The following CCDC102B variants were observed in gnomAD, a reference collection of about 807,000 sequenced individuals.
CCDC102B encodes coiled-coil domain containing 102B, also known as coiled-coil domain-containing protein 102B.
In CCDC102B, 75 loss-of-function variants were observed where a neutral mutation model predicts 57.4. The ratio of observed to expected loss-of-function variants is 1.31; its 90% CI spans 1.08 to 1.58. The LOEUF is 1.58. CCDC102B is among the 40% of genes most tolerant of loss of function. CCDC102B has a pLI of 0.00. For synonymous variants in CCDC102B, 206 were observed against 201.9 expected, an observed-to-expected ratio of 1.02 and a Z score of -0.17; for missense variants, 636 against 582.6, an observed-to-expected ratio of 1.09 and a Z score of -0.94.
chr18:69,033,718 TG>T (rs1390711643), intron 7 of CCDC102B, among the ~76,000 whole-genome samples: 1 of 151,920 alleles, frequency 6.6e-6, no homozygotes, highest in Non-Finnish European at 1.5e-5. Context: ...TTTTTTCCCT[TG>T]GGATTGTGAA....
intron 6 of CCDC102B, among the ~76,000 whole-genome samples, chr18:68,910,644 A>G (rs948519166): frequency 6.6e-6 from 1 of 152,192 alleles, no homozygotes; most frequent in East Asian, 1.9e-4. Context: ...TTTTACCTCT[A>G]AGGAAAACAA....
intron 7 of CCDC102B, among the ~76,000 whole-genome samples, chr18:69,033,084 G>A (rs1599875795): frequency 6.6e-6 from 1 of 152,022 alleles, no homozygotes; most frequent in African/African-American, 2.4e-5. Flanking sequence ...TAGAGATAAA[G>A]CATTATAATG....
At chr18:69,044,757 G>A (rs2145482421) in intron 7 of CCDC102B, among the ~76,000 whole-genome samples, 1 of 152,222 alleles carries the variant, frequency 6.6e-6, no homozygotes, top group Middle Eastern at 3.4e-3. Context: ...ACCACGTTTG[G>A]GATCTCTTCC....
intron 7 of CCDC102B, among the ~76,000 whole-genome samples, chr18:69,022,526 G>A (rs1159116054): frequency 6.6e-6 from 1 of 151,876 alleles, no homozygotes; most frequent in East Asian, 1.9e-4. Context: ...TCAGCAAAGA[G>A]CAATATTTTT....
At chr18:68,853,672 T>A (rs1177457987) in intron 4 of CCDC102B, among the ~76,000 whole-genome samples, 2 of 94,680 alleles carry the variant, frequency 2.1e-5, no homozygotes, top group Non-Finnish European at 2.0e-5. Context: ...CCCCAAATTG[T>A]AAAAAAAAAA....
chr18:69,039,001 C>T (rs918931383), intron 7 of CCDC102B, among the ~76,000 whole-genome samples: 1 of 152,020 alleles, frequency 6.6e-6, no homozygotes, highest in Admixed American at 6.6e-5. Context: ...GCAAAGCCCT[C>T]GCATATTTTT....
intron 6 of CCDC102B, chr18:68,899,845 T>C (rs1384005402): frequency 6.6e-6 from 1 of 152,126 alleles, no homozygotes; most frequent in Non-Finnish European, 1.5e-5. Context: ...GAAAACGACT[T>C]CCAGTTTTAA....
At position 68,744,924 on chromosome 18, in the gene CCDC102B, G is replaced by A. The variant is rs1007199646; in HGVS notation, c.-67+28330G>A. Reference sequence around the variant, plus strand: ...CTGGGGATGCAATCCAGTCAAGACTGAAGTTGAACATCCTGACTGTTATTG... The same window carrying A: ...CTGGGGATGCAATCCAGTCAAGACTAAAGTTGAACATCCTGACTGTTATTG... On this transcript the variant is annotated intron_variant, in intron 2 of 3. Coordinates refer to the CCDC102B transcript ENST00000578970. Among the ~76,000 whole-genome samples, 11 of 152,222 alleles carry A rather than the reference G, an allele frequency of 7.2e-5. No individual in the cohort carries two copies. The East Asian group carries it at 1.2e-3, about 16-fold the overall frequency.
chr18:68,766,249 G>A (rs1438874553), intron 2 of CCDC102B, among the ~76,000 whole-genome samples: 1 of 152,102 alleles, frequency 6.6e-6, no homozygotes, highest in Non-Finnish European at 1.5e-5. Context: ...GGCTACTTCT[G>A]CTTCTGTGGT....
intron 2 of CCDC102B, among the ~76,000 whole-genome samples, chr18:68,752,778 A>G (rs1401962477): frequency 6.6e-6 from 1 of 152,136 alleles, no homozygotes. Context: ...ATTACAAGAG[A>G]TACTGCTGTA....
intron 1 of CCDC102B, among the ~76,000 whole-genome samples, chr18:68,804,558 A>G (rs1354922159): frequency 6.6e-6 from 1 of 152,178 alleles, no homozygotes; most frequent in African/African-American, 2.4e-5. Flanking sequence ...AATGTGGGGC[A>G]GCTACCAGGG....
At chr18:68,967,928 T>C (rs2145250162) in intron 6 of CCDC102B, among the ~76,000 whole-genome samples, 1 of 152,192 alleles carries the variant, frequency 6.6e-6, no homozygotes, top group South Asian at 2.1e-4. Flanking sequence ...AAAAATACTA[T>C]CAGAAAAAAA....
intron 2 of CCDC102B, among the ~76,000 whole-genome samples, chr18:68,736,305 G>A (rs1349133580): frequency 6.6e-6 from 1 of 152,158 alleles, no homozygotes; most frequent in Non-Finnish European, 1.5e-5. Flanking sequence ...TGTGAATGTT[G>A]CTTGCTCGTC....
In CCDC102B at chr18:68,849,495, A is replaced by G. The variant is rs2038027468; in HGVS notation, c.936+3074A>G. 6.6e-5 allele frequency among the ~76,000 whole-genome samples: 10 copies of G among 152,150 alleles called. No homozygotes were observed. The South Asian group carries it at 2.1e-3, about 32-fold the overall frequency. ...TGCTACTTCCCCGGACAGGGCCACT[A>G]TCATCTCCTTGCCTTTTCCTTCCAG... is the stretch of plus-strand genomic sequence containing the variant. On this transcript the variant is annotated intron_variant, in intron 4 of 7. Transcript: ENST00000360242.
chr18:68,732,069 A>G lies in CCDC102B; in HGVS notation c.-67+15475A>G, dbSNP rs2032895154. On this transcript the variant is annotated intron_variant, in intron 2 of 3. Transcript: ENST00000578970. ...TACTCTACTCTGAGGAACTTTATTC[A>G]TGTTGATATATTTTGAGTTACTCAA... 2.0e-5 allele frequency among the ~76,000 whole-genome samples: 3 copies of G among 148,758 alleles called. No homozygotes were observed. The South Asian group carries it at 6.6e-4, about 33-fold the overall frequency.
intron 4 of CCDC102B, among the ~76,000 whole-genome samples, chr18:68,857,320 T>TATAAATATATATATTTATATATTATAA (rs372894232): frequency 0.013 from 229 of 18,230 alleles, 13 homozygotes; most frequent in Non-Finnish European, 0.017. Flanking sequence ...ATTTATATAT[T>TATAAATATATATATTTATATATTATAA]ATATATATAA....
chr18:69,003,290 T>C (rs2051255432), intron 6 of CCDC102B, among the ~76,000 whole-genome samples: 1 of 152,224 alleles, frequency 6.6e-6, no homozygotes, highest in East Asian at 1.9e-4. Flanking sequence ...GTATGTATCA[T>C]TTAAATGATC....
intron 6 of CCDC102B, among the ~76,000 whole-genome samples, chr18:68,932,245 T>G (rs933808882): frequency 6.6e-6 from 1 of 151,916 alleles, no homozygotes; most frequent in Non-Finnish European, 1.5e-5. Context: ...CTTCCTTTTT[T>G]ACTCCACTAT....
At chr18:68,724,616 A>C (rs769788792) in intron 2 of CCDC102B, among the ~76,000 whole-genome samples, 2 of 152,170 alleles carry the variant, frequency 1.3e-5, no homozygotes, top group African/African-American at 2.4e-5. Context: ...CCTCTTCTCC[A>C]TCTGAGACCA....
Sources: allele counts gnomAD v4.1 joint callset (sites outside exome capture counted in the v4.1 genomes callset), GRCh38; gene constraint gnomAD v4.1.1; transcripts MANE v1.5; gene names NCBI Gene and HGNC (gene_info 2026-07-23, HGNC 2026-07-21).